The following WAC variants were observed in gnomAD, a reference collection of about 807,000 sequenced individuals.
The protein encoded by WAC is WW domain containing adaptor with coiled-coil, also known as WW domain-containing adapter protein with coiled-coil.
A neutral mutation model predicts 79.6 loss-of-function variants in WAC; 11 were observed. The observed-to-expected ratio is 0.14, with a 90% CI of 0.09 to 0.23. WAC has a LOEUF of 0.23. WAC is among the 10% of genes least tolerant of loss of function. WAC has a pLI of 1.00. For synonymous variants in WAC, 304 were observed against 276.9 expected, an observed-to-expected ratio of 1.10 and a Z score of -0.97; for missense variants, 728 against 773.5, an observed-to-expected ratio of 0.94 and a Z score of 0.70.
intron 7 of WAC, among the ~76,000 whole-genome samples, chr10:28,596,722 T>A (rs1840389131): frequency 6.6e-6 from 1 of 152,232 alleles, no homozygotes; most frequent in Non-Finnish European, 1.5e-5. Flanking sequence ...TAGTATGTTT[T>A]AAGAATCTAA....
chr10:28,557,550 T>C (rs939861083), intron 3 of WAC, among the ~76,000 whole-genome samples: 1 of 151,948 alleles, frequency 6.6e-6, no homozygotes, highest in African/African-American at 2.4e-5. Flanking sequence ...AAAAATCAGC[T>C]GGGTGTGGTG....
chr10:28,613,454 A>G (rs1456965370), intron 10 of WAC, among the ~76,000 whole-genome samples: 1 of 152,212 alleles, frequency 6.6e-6, no homozygotes, highest in East Asian at 1.9e-4. Context: ...GAGTGAGCCA[A>G]GATCACGTCA....
At chr10:28,559,150 G>GTC (rs796146133) in intron 3 of WAC, among the ~76,000 whole-genome samples, 4 of 151,458 alleles carry the variant, frequency 2.6e-5, no homozygotes, top group African/African-American at 9.7e-5. Flanking sequence ...GTGTGTGTGT[G>GTC]TGTGTGTGTG....
intron 3 of WAC, among the ~76,000 whole-genome samples, chr10:28,538,883 AAG>A (rs1183894446): frequency 8.6e-5 from 13 of 150,926 alleles, no homozygotes; most frequent in Non-Finnish European, 1.5e-4. Context: ...AAAAAAAAAA[AAG>A]AAAAAAATTA....
At chr10:28,590,468 C>A (rs1340767539) in intron 5 of WAC, among the ~76,000 whole-genome samples, 1 of 152,086 alleles carries the variant, frequency 6.6e-6, no homozygotes, top group African/African-American at 2.4e-5. Context: ...GTTTCTTTCA[C>A]ATGTAGAATT....
chr10:28,598,974 A>T (rs1461908522), intron 7 of WAC, among the ~76,000 whole-genome samples: 1 of 152,214 alleles, frequency 6.6e-6, no homozygotes, highest in Admixed American at 6.5e-5. Flanking sequence ...AGACTGTTAC[A>T]TCCTTAGATA....
chr10:28,558,411 C>T (rs1838117285), intron 3 of WAC, among the ~76,000 whole-genome samples: 1 of 151,942 alleles, frequency 6.6e-6, no homozygotes, highest in Admixed American at 6.6e-5. Context: ...TGAGCAGTTG[C>T]CTTATTTGGA....
chr10:28,609,751 G>A (rs1009308788), intron 8 of WAC, among the ~76,000 whole-genome samples: 4 of 151,954 alleles, frequency 2.6e-5, no homozygotes, highest in Admixed American at 1.3e-4. Flanking sequence ...GTGAACGCCT[G>A]TAGTTCCAGC....
chr10:28,578,156 C>T (rs1168231007), intron 3 of WAC, among the ~76,000 whole-genome samples: 3 of 149,152 alleles, frequency 2.0e-5, no homozygotes, highest in Admixed American at 1.3e-4. Flanking sequence ...GATCCTGTCT[C>T]AAAACAAAAC....
intron 11 of WAC, chr10:28,615,233 T>C (rs950930750): frequency 6.6e-6 from 1 of 152,238 alleles, no homozygotes; most frequent in African/African-American, 2.4e-5. Flanking sequence ...GTTGAATGAA[T>C]GGTTTTCATT....
upstream of WAC, chr10:28,533,031 A>G (rs969063173): frequency 6.5e-6 from 1 of 154,268 alleles, no homozygotes; most frequent in African/African-American, 2.4e-5. Flanking sequence ...GGTGTTCCGG[A>G]CCCGCGCGGT....
chr10:28,565,662 A>G (rs1185410519), intron 3 of WAC, among the ~76,000 whole-genome samples: 1 of 152,192 alleles, frequency 6.6e-6, no homozygotes, highest in Non-Finnish European at 1.5e-5. Context: ...ATTTTTCTGT[A>G]GGTTATTATG....
At chr10:28,559,868 CAGAT>C (rs1838207901) in intron 3 of WAC, among the ~76,000 whole-genome samples, 1 of 152,272 alleles carries the variant, frequency 6.6e-6, no homozygotes, top group Non-Finnish European at 1.5e-5. Context: ...TCACATTCCT[CAGAT>C]AGATGTTTCT....
intron 3 of WAC, among the ~76,000 whole-genome samples, chr10:28,539,084 C>T (rs945134462): frequency 6.6e-6 from 1 of 152,008 alleles, no homozygotes; most frequent in African/African-American, 2.4e-5. Context: ...AACCTATATG[C>T]TATGATTTGT....
chr10:28,608,513 G>T, intron 8 of WAC, 82 bp downstream of exon 8: 2 of 1,359,514 alleles, frequency 1.5e-6, no homozygotes, highest in Non-Finnish European at 2.0e-6. Context: ...GTTTAGGAAT[G>T]GTCTTTGTTT....
At chr10:28,550,869 C>A (rs568524112) in intron 3 of WAC, among the ~76,000 whole-genome samples, 1 of 152,294 alleles carries the variant, frequency 6.6e-6, no homozygotes, top group South Asian at 2.1e-4. Flanking sequence ...TTATCAATCT[C>A]TTAAGTAGCC....
rs953488065 is a variant in WAC at position 28,622,478 on chromosome 10, T to A, written c.*2872T>A. On this transcript the variant is annotated 3_prime_UTR_variant, in exon 14 of 14. Coordinates refer to ENST00000354911, the MANE Select transcript of WAC (RefSeq NM_016628.5). ...AGATCAGTAGTCTCTATTCAAACTT[T>A]TAAAATGTCGTGGTATTGTAACAAT... 2 of 124,432 alleles carry A rather than the reference T, an allele frequency of 1.6e-5. No homozygotes were observed. The highest frequency in any genetic ancestry group is 6.1e-5 in the African/African-American group (2 of 32,710). 7.7% of individuals were successfully genotyped at this position (124,432 alleles called of 1,614,324 possible).
At chr10:28,614,469 C>G in intron 10 of WAC, 98 bp from the exon 11 acceptor site, 1 of 119,526 alleles carries the variant, frequency 8.4e-6, no homozygotes, top group Non-Finnish European at 1.2e-5. Flanking sequence ...CAGAACTTGA[C>G]TGCCACATTT....
intron 3 of WAC, among the ~76,000 whole-genome samples, chr10:28,560,906 T>C (rs996641143): frequency 1.3e-5 from 2 of 152,118 alleles, no homozygotes; most frequent in African/African-American, 4.8e-5. Context: ...TGTGTTACTA[T>C]GTTGAGGAGG....
Sources: gnomAD v4.1 joint callset for allele counts (sites outside exome capture counted in the v4.1 genomes callset) on GRCh38, gnomAD v4.1.1 for gene constraint, MANE v1.5 for transcripts, NCBI Gene and HGNC (gene_info 2026-07-23, HGNC 2026-07-21) for gene names.